The following PHACTR2 variants were observed in gnomAD, a reference collection of about 807,000 sequenced individuals.
PHACTR2 encodes the protein phosphatase and actin regulator 2, also known as chromosome 6 open reading frame 56.
A neutral mutation model predicts 76.0 loss-of-function variants in PHACTR2; 30 were observed. That is an observed-to-expected ratio of 0.39 (90% CI 0.30 to 0.54). The LOEUF (loss-of-function observed/expected upper bound fraction) is 0.54, where lower values mean the gene tolerates loss of function less well. Ranked by LOEUF, PHACTR2 falls within the 20% of genes least tolerant of loss-of-function variation. The pLI is 0.61. For missense variants in PHACTR2, 696 were observed against 781.1 expected (o/e 0.89, Z 1.30); for synonymous variants, 292 against 292.5 (o/e 1.00, Z 0.02).
rs192599734 is a variant in PHACTR2, at chr6:143,556,004, G to C, written c.217+18797G>C. Among the ~76,000 whole-genome samples, 13 of 146,414 alleles carry C rather than the reference G, an allele frequency of 8.9e-5. No individual in the cohort carries two copies. Among genetic ancestry groups the C allele is most frequent in the African/African-American group, 3.0e-4 (12 of 39,554 alleles). On this transcript the variant is annotated intron_variant, in intron 1 of 11. Coordinates refer to the PHACTR2 transcript ENST00000367584. The surrounding 1 kb of genome is among the most constrained non-coding windows in gnomAD (Gnocchi z 4.3). ...ATTTCACAATTAATTTTTTTAAAAA[G>C]AAACAGAAAAAAAACAAAAAGAAAA...
intron 12 of PHACTR2, among the ~76,000 whole-genome samples, chr6:143,815,588 T>C (rs1051282739): frequency 1.3e-5 from 2 of 152,304 alleles, no homozygotes; most frequent in African/African-American, 4.8e-5. Flanking sequence ...TATTTTATGT[T>C]ATGTGAATAA....
In PHACTR2 at chr6:143,679,780, A is replaced by T. The variant is rs1777343835; in HGVS notation, c.46+1571A>T. Among the ~76,000 whole-genome samples the T allele has an allele frequency of 6.6e-6, 1 of 152,138 alleles. No homozygotes were observed. The highest frequency in any genetic ancestry group is 1.5e-5 in the Non-Finnish European group (1 of 68,004). On this transcript the variant is annotated intron_variant, in intron 1 of 12. Coordinates refer to ENST00000440869, the MANE Select transcript of PHACTR2 (RefSeq NM_001100164.2). The surrounding 1 kb of genome is among the most constrained non-coding windows in gnomAD (Gnocchi z 4.6). ...GTCTTAGTACAGCAAAAAAACCCGGATTGCTATAATTCCAAATAAAATGAC... is the reference window on the plus strand; with the variant it reads ...GTCTTAGTACAGCAAAAAAACCCGGTTTGCTATAATTCCAAATAAAATGAC...
chr6:143,604,456 A>G (rs1775845467), upstream of PHACTR2, among the ~76,000 whole-genome samples: 1 of 152,178 alleles, frequency 6.6e-6, no homozygotes, highest in Non-Finnish European at 1.5e-5. Context: ...TTTTCTCCAT[A>G]GAATCCATCT....
At chr6:143,630,071 T>C (rs964566956) in intron 1 of PHACTR2, among the ~76,000 whole-genome samples, 1 of 151,854 alleles carries the variant, frequency 6.6e-6, no homozygotes, top group Non-Finnish European at 1.5e-5. Flanking sequence ...AAATCTTGGA[T>C]ACATGACCAA....
Position 143,618,893 on chromosome 6 carries a change from CAG to C in PHACTR2, c.13+10572_13+10573del, listed in dbSNP as rs1054953741. On this transcript the variant is annotated intron_variant, in intron 1 of 11. Transcript: ENST00000305766. This position sits in a 1 kb window ranked among gnomAD's most constrained non-coding sequence, Gnocchi z 5.2. Reference sequence around the variant, plus strand: ...TGCTGCTTCACGTGCTCCTCAAGAACAGGGCCACGTCTCCTTCTTGAGCCTTA... The same window carrying C: ...TGCTGCTTCACGTGCTCCTCAAGAACGGCCACGTCTCCTTCTTGAGCCTTA... Among the ~76,000 whole-genome samples, 1 of 152,102 alleles carries C rather than the reference CAG, an allele frequency of 6.6e-6. No homozygotes were observed. The highest frequency in any genetic ancestry group is 2.4e-5 in the African/African-American group (1 of 41,416).
At chr6:143,626,628 T>G (rs1475121445) in intron 1 of PHACTR2, among the ~76,000 whole-genome samples, 1 of 152,156 alleles carries the variant, frequency 6.6e-6, no homozygotes, top group Non-Finnish European at 1.5e-5. Context: ...GGTGGCAGCT[T>G]GATTACACAA....
Position 143,611,499 on chromosome 6 carries a change from G to A in PHACTR2, c.13+3177G>A, listed in dbSNP as rs1379832252. Among the ~76,000 whole-genome samples, 1 of 152,182 alleles carries A rather than the reference G, an allele frequency of 6.6e-6. No homozygotes were observed. The highest frequency in any genetic ancestry group is 1.5e-5 in the Non-Finnish European group (1 of 68,038). ...GTTGGCTCTGCTACCTGTCATCCCAGTGACTGTGAACAAGTAATAGAAACT... is the reference window on the plus strand; with the variant it reads ...GTTGGCTCTGCTACCTGTCATCCCAATGACTGTGAACAAGTAATAGAAACT... On this transcript the variant is annotated intron_variant, in intron 1 of 11. Coordinates refer to the PHACTR2 transcript ENST00000305766. The surrounding 1 kb of genome is among the most constrained non-coding windows in gnomAD (Gnocchi z 4.4).
rs750318186 is a variant in PHACTR2, at chr6:143,765,646, C to T, written c.1080C>T (p.Ala360=). Residue 360 remains alanine, a synonymous_variant, in exon 6 of 13, where the codon GCC becomes GCT. Coordinates refer to ENST00000440869, the MANE Select transcript of PHACTR2 (RefSeq NM_001100164.2). This position sits in a 1 kb window ranked among gnomAD's most constrained non-coding sequence, Gnocchi z 4.1. ...PLPLEDQCIT[A]SDTPVVLVSV... ...CTCTTGAGGATCAGTGCATTACTGC[C>T]TCAGACACTCCAGTTGTCCTCGTCA... 1.2e-6 allele frequency: 2 copies of T among 1,614,200 alleles called. No homozygotes were observed. Among genetic ancestry groups the T allele is most frequent in the East Asian group, 2.2e-5 (1 of 44,880 alleles).
intron 1 of PHACTR2, among the ~76,000 whole-genome samples, chr6:143,655,762 C>T (rs548834653): frequency 4.6e-5 from 7 of 152,300 alleles, no homozygotes; most frequent in Non-Finnish European, 8.8e-5. Context: ...TTACTTTGCA[C>T]CTATTACCAC....
rs1327401845 is a variant in PHACTR2, at chr6:143,591,448, G to C, written c.217+54241G>C. Among the ~76,000 whole-genome samples, 1 of 152,178 alleles carries C rather than the reference G, an allele frequency of 6.6e-6. No individual in the cohort carries two copies. Among genetic ancestry groups the C allele is most frequent in the Non-Finnish European group, 1.5e-5 (1 of 68,034 alleles). On this transcript the variant is annotated intron_variant, in intron 1 of 11. Transcript: ENST00000367584. The surrounding 1 kb of genome is among the most constrained non-coding windows in gnomAD (Gnocchi z 6.4). The stretch of plus-strand genomic sequence containing the variant: ...CATCAAGTTCCCTGTTCCACAGCTT[G>C]TTACAGGAGCAGAGAAAGAGCATAT...
In PHACTR2 at chr6:143,708,456, A is replaced by G. The variant is rs1229288256; in HGVS notation, c.47-3560A>G. Among the ~76,000 whole-genome samples, 1 of 152,260 alleles carries G rather than the reference A, an allele frequency of 6.6e-6. No individual in the cohort carries two copies. Among genetic ancestry groups the G allele is most frequent in the Non-Finnish European group, 1.5e-5 (1 of 68,048 alleles). ...GTAACATAAAAATGGATCAAAATTA[A>G]TGCTGAAAACAATCAGGAAATTTTA... On this transcript the variant is annotated intron_variant, in intron 1 of 12. Coordinates refer to ENST00000440869, the MANE Select transcript of PHACTR2 (RefSeq NM_001100164.2). This position sits in a 1 kb window ranked among gnomAD's most constrained non-coding sequence, Gnocchi z 5.5.
In PHACTR2 at chr6:143,750,339, A is replaced by G. The variant is rs1172331668; in HGVS notation, c.295+1274A>G. Among the ~76,000 whole-genome samples, 1 of 152,184 alleles carries G rather than the reference A, an allele frequency of 6.6e-6. No individual in the cohort carries two copies. The highest frequency in any genetic ancestry group is 1.5e-5 in the Non-Finnish European group (1 of 68,024). ...AGACTTTTAAGAGTTAAAAATGCAC[A>G]TTTCTAACTTTTTAAACTTAAAGGT... is the stretch of plus-strand genomic sequence containing the variant. On this transcript the variant is annotated intron_variant, in intron 3 of 12. Transcript: ENST00000440869. The surrounding 1 kb of genome is among the most constrained non-coding windows in gnomAD (Gnocchi z 4.6).
rs1777461569 is a variant in PHACTR2 at position 143,684,166 on chromosome 6, T to C, written c.46+5957T>C. ...TATGACCTCTCTCTGCACTCCAGGC[T>C]CAAATATGCAACTCCCTATTTGACA... On this transcript the variant is annotated intron_variant, in intron 1 of 12. Coordinates refer to ENST00000440869, the MANE Select transcript of PHACTR2 (RefSeq NM_001100164.2). This position sits in a 1 kb window ranked among gnomAD's most constrained non-coding sequence, Gnocchi z 4.3. Among the ~76,000 whole-genome samples the C allele has an allele frequency of 6.6e-6, 1 of 152,100 alleles. No homozygotes were observed. Among genetic ancestry groups the C allele is most frequent in the African/African-American group, 2.4e-5 (1 of 41,404 alleles).
At chr6:143,584,032 A>G (rs1371736432) in intron 1 of PHACTR2, among the ~76,000 whole-genome samples, 6 of 152,236 alleles carry the variant, frequency 3.9e-5, no homozygotes, top group Non-Finnish European at 7.3e-5. Context: ...CTGGCAGGCT[A>G]TCTTCCTGAA....
Position 143,592,300 on chromosome 6 carries a change from A to G in PHACTR2, c.217+55093A>G, listed in dbSNP as rs2128434553. On this transcript the variant is annotated intron_variant, in intron 1 of 11. Transcript: ENST00000367584. This position sits in a 1 kb window ranked among gnomAD's most constrained non-coding sequence, Gnocchi z 4.0. Reference sequence around the variant, plus strand: ...TAATGGGCAGGCTTGGATAACACCAATGGTAAGATGAACCATCCTCTCCAT... The same window carrying G: ...TAATGGGCAGGCTTGGATAACACCAGTGGTAAGATGAACCATCCTCTCCAT... Among the ~76,000 whole-genome samples the G allele has an allele frequency of 6.6e-6, 1 of 152,156 alleles. No homozygotes were observed. Among genetic ancestry groups the G allele is most frequent in the Non-Finnish European group, 1.5e-5 (1 of 68,028 alleles).
intron 1 of PHACTR2, among the ~76,000 whole-genome samples, chr6:143,567,716 A>T (rs1013956325): frequency 1.3e-5 from 2 of 151,986 alleles, no homozygotes; most frequent in Non-Finnish European, 2.9e-5. Context: ...TTGAAATGCC[A>T]GTCTGCATCA....
chr6:143,648,871 CATATGTGTCTATGT>C lies in PHACTR2; in HGVS notation c.13+40552_13+40565del, dbSNP rs892546576. ...GTATGTGTCCATGTGTGTGTCTATG[CATATGTGTCTATGT>C]ATGTTTGTGTGTGTGTGTGTGTCTG... On this transcript the variant is annotated intron_variant, in intron 1 of 11. Transcript: ENST00000305766. The surrounding 1 kb of genome is among the most constrained non-coding windows in gnomAD (Gnocchi z 6.7). 7.1e-6 allele frequency among the ~76,000 whole-genome samples: 1 copy of C among 140,678 alleles called. No individual in the cohort carries two copies. Among genetic ancestry groups the C allele is most frequent in the African/African-American group, 2.7e-5 (1 of 37,336 alleles). 92.3% of individuals were successfully genotyped at this position (140,678 alleles called of 152,430 possible).
At position 143,624,562 on chromosome 6, in the gene PHACTR2, C is replaced by A. The variant is rs1776221224; in HGVS notation, c.13+16240C>A. Among the ~76,000 whole-genome samples the A allele has an allele frequency of 6.6e-6, 1 of 152,166 alleles. No homozygotes were observed. Among genetic ancestry groups the A allele is most frequent in the Non-Finnish European group, 1.5e-5 (1 of 68,028 alleles). On this transcript the variant is annotated intron_variant, in intron 1 of 11. Coordinates refer to the PHACTR2 transcript ENST00000305766. This position sits in a 1 kb window ranked among gnomAD's most constrained non-coding sequence, Gnocchi z 4.6. ...CAAAATCAGCAATTTGGGATTATAT[C>A]ACCACTCTTTTTTAATGTTGTGGGA...
In PHACTR2 at chr6:143,761,131, A is replaced by G. The variant is rs1289566350; in HGVS notation, c.694+491A>G. 3.9e-5 allele frequency among the ~76,000 whole-genome samples: 6 copies of G among 152,328 alleles called. No individual in the cohort carries two copies. Among genetic ancestry groups the G allele is most frequent in the Admixed American group, 3.9e-4 (6 of 15,306 alleles). The stretch of plus-strand genomic sequence containing the variant: ...CATCCATAGTCATCTCCCTTCTGAT[A>G]AATGACAAAGGGTTCATGTCACTTG... On this transcript the variant is annotated intron_variant, in intron 5 of 12. Transcript: ENST00000440869. This position sits in a 1 kb window ranked among gnomAD's most constrained non-coding sequence, Gnocchi z 5.2.
Sources: allele counts gnomAD v4.1 joint callset (sites outside exome capture counted in the v4.1 genomes callset), GRCh38; gene constraint gnomAD v4.1.1; non-coding constraint Gnocchi (gnomAD v3.1); transcripts MANE v1.5; gene names NCBI Gene and HGNC (gene_info 2026-07-23, HGNC 2026-07-21).